Variants in AMOTL1 observed in about 807,000 individuals in gnomAD.
The protein encoded by AMOTL1 is angiomotin like 1, also known as angiomotin-like protein 1.
A neutral mutation model predicts 102.9 loss-of-function variants in AMOTL1; 45 were observed. That is an observed-to-expected ratio of 0.44 (90% confidence interval 0.34 to 0.56). The LOEUF is 0.56. Among genes scored for constraint, AMOTL1 ranks in the 20% least tolerant of loss-of-function variants. The probability of loss-of-function intolerance (pLI) is 0.01; values close to 1 mark genes in which losing one functional copy is unlikely to be tolerated. For missense variants in AMOTL1, 1,114 were observed against 1,225.6 expected (o/e 0.91, Z 1.36); for synonymous variants, 481 against 484.7 (o/e 0.99, Z 0.10).
At chr11:94,813,705 A>C (rs1182838209) in intron 3 of AMOTL1, among the ~76,000 whole-genome samples, 5 of 152,110 alleles carry the variant, frequency 3.3e-5, no homozygotes, top group Admixed American at 3.3e-4. Context: ...AGGAAGTCCA[A>C]CTCCACCACA....
At chr11:94,706,834 G>A (rs1024019906) in intron 1 of AMOTL1, among the ~76,000 whole-genome samples, 111 of 152,224 alleles carry the variant, frequency 7.3e-4, no homozygotes, top group African/African-American at 2.3e-3. Flanking sequence ...GAATCTAATC[G>A]GGGCTTGGTA....
intron 1 of AMOTL1, among the ~76,000 whole-genome samples, chr11:94,776,000 T>C (rs1388497594): frequency 3.9e-5 from 6 of 152,242 alleles, no homozygotes; most frequent in African/African-American, 1.4e-4. Flanking sequence ...CATGGGATTC[T>C]TCCAGGGATC....
chr11:94,707,019 A>G (rs909140991), intron 1 of AMOTL1, among the ~76,000 whole-genome samples: 2 of 151,892 alleles, frequency 1.3e-5, no homozygotes, highest in Admixed American at 6.6e-5. Flanking sequence ...GAGAGCCTTG[A>G]TTTGCTGTTT....
Position 94,768,376 on chromosome 11 carries a change from A to C in AMOTL1, c.-136A>C, listed in dbSNP as rs1950884904. 6.7e-7 allele frequency: 1 copy of C among 1,487,092 alleles called. No individual in the cohort carries two copies. Among genetic ancestry groups the C allele is most frequent in the South Asian group, 1.3e-5 (1 of 76,892 alleles). The allele number at this position is 1,487,092 out of a possible 1,614,324, so 92.1% of individuals were successfully genotyped here. A position where few individuals can be genotyped will look rare whatever the true frequency, so the allele number is the denominator to read the frequency against. On this transcript the variant is annotated 5_prime_UTR_variant, in exon 1 of 13. Transcript: ENST00000433060. ...GCGGGAGCGCGCGAGAAGCTCTAGG[A>C]CCCAGCAGCGGTTGTCGGGTTTGGG...
chr11:94,812,074 G>T (rs73516143), intron 3 of AMOTL1, among the ~76,000 whole-genome samples: 2,460 of 152,304 alleles, frequency 0.016, 71 homozygotes, highest in African/African-American at 0.057. Context: ...GGATTCTCCG[G>T]AGGGGAAGTT....
chr11:94,824,741 T>C (rs1450569714), intron 4 of AMOTL1, among the ~76,000 whole-genome samples: 1 of 152,216 alleles, frequency 6.6e-6, no homozygotes, highest in African/African-American at 2.4e-5. Flanking sequence ...GGCATGGATG[T>C]GACCCCTGTT....
chr11:94,769,359 G>A (rs1409035564), intron 1 of AMOTL1, among the ~76,000 whole-genome samples: 1 of 152,166 alleles, frequency 6.6e-6, no homozygotes, highest in Non-Finnish European at 1.5e-5. Flanking sequence ...GGGACCGAGC[G>A]TGCCCCATAG....
intron 9 of AMOTL1, 40 bp downstream of exon 9, chr11:94,859,755 TA>T (rs756670621): frequency 6.5e-7 from 1 of 1,532,652 alleles, no homozygotes; most frequent in Middle Eastern, 1.7e-4. Context: ...AAAGCACAGT[TA>T]AAAAAATCAA....
At chr11:94,806,026 T>A (rs1951562516) in intron 3 of AMOTL1, among the ~76,000 whole-genome samples, 2 of 152,210 alleles carry the variant, frequency 1.3e-5, no homozygotes, top group Admixed American at 6.5e-5. Context: ...AAAAAATGCA[T>A]TATGCATTTT....
rs745927987 is a variant in AMOTL1 at position 94,870,756 on chromosome 11, C to G, written c.2832C>G (p.Pro944=). 1 of 1,602,732 alleles carries G rather than the reference C, an allele frequency of 6.2e-7. No homozygotes were observed. Among genetic ancestry groups the G allele is most frequent in the South Asian group, 1.1e-5 (1 of 88,664 alleles). ...GGGTCAGCAGCTTGCTGCACAAGCCCGAGTTCCCTGATGGAGAGATGATGG... is the reference window on the plus strand; with the variant it reads ...GGGTCAGCAGCTTGCTGCACAAGCCGGAGTTCCCTGATGGAGAGATGATGG... The part of the protein sequence containing the change: ...RGRVSSLLHK[P]EFPDGEMMEV... The change falls in exon 13 of 13, where the codon CCC becomes CCG. Residue 944 remains proline, a synonymous_variant. Coordinates refer to ENST00000433060, the MANE Select transcript of AMOTL1 (RefSeq NM_130847.3).
At chr11:94,853,879 C>T in intron 7 of AMOTL1, 54 bp from the exon 8 acceptor site, 1 of 1,573,498 alleles carries the variant, frequency 6.4e-7, no homozygotes, top group Non-Finnish European at 8.6e-7. Context: ...TCCACCCCAG[C>T]TTTGAGAATC....
rs1257424779 is a variant in AMOTL1, at chr11:94,874,818, G to A, written c.*4023G>A. 1 of 152,208 alleles carries A rather than the reference G, an allele frequency of 6.6e-6. No individual in the cohort carries two copies. Among genetic ancestry groups the A allele is most frequent in the Non-Finnish European group, 1.5e-5 (1 of 68,046 alleles). 9.4% of individuals were successfully genotyped at this position (152,208 alleles called of 1,614,324 possible). A position where few individuals can be genotyped will look rare whatever the true frequency, so the allele number is the denominator to read the frequency against. The stretch of plus-strand genomic sequence containing the variant: ...ATAGATTGGGGCATTAAAAGCTTTT[G>A]AGGCAGGGGGCTCATGTTTTGACTG... On this transcript the variant is annotated 3_prime_UTR_variant, in exon 13 of 13. Transcript: ENST00000433060.
intron 3 of AMOTL1, among the ~76,000 whole-genome samples, chr11:94,758,374 A>G (rs1313875561): frequency 1.3e-5 from 2 of 152,176 alleles, no homozygotes; most frequent in African/African-American, 4.8e-5. Context: ...TACATGATTG[A>G]ATGCGTAATA....
At chr11:94,835,836 A>G (rs922071794) in intron 6 of AMOTL1, among the ~76,000 whole-genome samples, 6 of 152,244 alleles carry the variant, frequency 3.9e-5, no homozygotes, top group African/African-American at 1.4e-4. Flanking sequence ...TGATTTGTTT[A>G]AAACAACATA....
At chr11:94,848,337 G>A (rs1476190563) in intron 6 of AMOTL1, among the ~76,000 whole-genome samples, 1 of 152,096 alleles carries the variant, frequency 6.6e-6, no homozygotes, top group Non-Finnish European at 1.5e-5. Context: ...CAGTGCAGTG[G>A]GTCACTGCAG....
chr11:94,751,154 G>A (rs1950649142), intron 3 of AMOTL1, among the ~76,000 whole-genome samples: 1 of 152,140 alleles, frequency 6.6e-6, no homozygotes, highest in African/African-American at 2.4e-5. Context: ...GGGACAGGCA[G>A]TACAATACAT....
At chr11:94,722,672 T>C (rs1237764908) in intron 1 of AMOTL1, among the ~76,000 whole-genome samples, 1 of 152,176 alleles carries the variant, frequency 6.6e-6, no homozygotes, top group Non-Finnish European at 1.5e-5. Context: ...CCACATTCTG[T>C]ATCACTTCCC....
chr11:94,826,662 G>A (rs988835276), intron 4 of AMOTL1, among the ~76,000 whole-genome samples: 2 of 152,110 alleles, frequency 1.3e-5, no homozygotes, highest in African/African-American at 4.8e-5. Context: ...TTACTACTGC[G>A]AGAAAGGCAC....
chr11:94,731,783 A>C (rs1284741855), intron 2 of AMOTL1, among the ~76,000 whole-genome samples: 2 of 152,140 alleles, frequency 1.3e-5, no homozygotes, highest in African/African-American at 2.4e-5. Context: ...GATCAGTCCA[A>C]TCCTAGCCAC....
Sources: allele counts gnomAD v4.1 joint callset (sites outside exome capture counted in the v4.1 genomes callset), GRCh38; gene constraint gnomAD v4.1.1; transcripts MANE v1.5; gene names NCBI Gene and HGNC (gene_info 2026-07-23, HGNC 2026-07-21).